Variants in PPAT observed in about 807,000 individuals in gnomAD.
PPAT encodes amidophosphoribosyltransferase.
PPAT carries 20 observed loss-of-function variants against 60.2 expected under a neutral mutation model. The observed-to-expected ratio is 0.33, with a 90% CI of 0.23 to 0.48. The LOEUF is 0.48. PPAT is among the 20% of genes least tolerant of loss of function. PPAT has a pLI of 0.99. For synonymous variants in PPAT, 194 were observed against 215.1 expected, an observed-to-expected ratio of 0.90 and a Z score of 0.86; for missense variants, 349 against 629.6, an observed-to-expected ratio of 0.55 and a Z score of 4.77.
chr4:56,419,481 A>G (rs1716932340), intron 1 of PPAT: 1 of 168,170 alleles, frequency 5.9e-6, no homozygotes, highest in Admixed American at 6.5e-5. Context: ...ACTGTTTAAG[A>G]GAAAAGCTAA....
chr4:56,408,021 G>T, intron 1 of PPAT: 1 of 266,474 alleles, frequency 3.8e-6, no homozygotes, highest in South Asian at 6.6e-5. Context: ...ATATACTTTA[G>T]GCCTTGAGAG....
chr4:56,434,350 G>A (rs1388000306), intron 1 of PPAT, among the ~76,000 whole-genome samples: 1 of 152,124 alleles, frequency 6.6e-6, no homozygotes, highest in Admixed American at 6.5e-5. Flanking sequence ...TTGCTGTTAC[G>A]TGTTATTGCC....
chr4:56,423,991 T>G (rs1418879629), intron 1 of PPAT, among the ~76,000 whole-genome samples: 1 of 152,210 alleles, frequency 6.6e-6, no homozygotes, highest in African/African-American at 2.4e-5. Flanking sequence ...AAAATTCACA[T>G]GAAATAGTCT....
At chr4:56,434,149 C>G (rs1364358786) in intron 1 of PPAT, among the ~76,000 whole-genome samples, 2 of 152,174 alleles carry the variant, frequency 1.3e-5, no homozygotes, top group Non-Finnish European at 2.9e-5. Flanking sequence ...AAGATTGGAG[C>G]TACGCAAGTT....
intron 1 of PPAT, among the ~76,000 whole-genome samples, chr4:56,413,408 G>A (rs1055590051): frequency 6.6e-6 from 1 of 152,128 alleles, no homozygotes; most frequent in Non-Finnish European, 1.5e-5. Flanking sequence ...GCCCACCTTG[G>A]CCTCCCAAAG....
intron 1 of PPAT, among the ~76,000 whole-genome samples, chr4:56,417,115 C>T (rs190378883): frequency 6.6e-6 from 1 of 152,308 alleles, no homozygotes; most frequent in Admixed American, 6.5e-5. Flanking sequence ...TCCCAAATTG[C>T]TGGGATTACA....
chr4:56,402,892 A>T lies in PPAT; in HGVS notation c.661+148T>A, dbSNP rs185866764. 25 of 619,074 alleles carry T rather than the reference A, an allele frequency of 4.0e-5. No homozygotes were observed. In the African/African-American group the frequency reaches 4.6e-4, roughly 11 times the overall value. The allele number at this position is 619,074 out of a possible 1,614,324, so 38.3% of individuals were successfully genotyped here. A position where few individuals can be genotyped will look rare whatever the true frequency, so the allele number is the denominator to read the frequency against. On this transcript the variant is annotated intron_variant, in intron 5 of 10. Transcript: ENST00000264220. ...AGGAGTACTCAAAGAAACGTACTTT[A>T]AAAAGGAAGAATACATTTATTTTTA... is the stretch of plus-strand genomic sequence containing the variant.
chr4:56,408,938 A>G (rs1716330457), intron 1 of PPAT, among the ~76,000 whole-genome samples: 1 of 152,044 alleles, frequency 6.6e-6, no homozygotes, highest in South Asian at 2.1e-4. Flanking sequence ...AAATGTTGTG[A>G]TTCTGCTAAA....
intron 1 of PPAT, chr4:56,428,899 T>C (rs912972836): frequency 1.6e-5 from 9 of 558,370 alleles, no homozygotes; most frequent in African/African-American, 1.4e-4. Context: ...GTGTTTCAAA[T>C]GATGTCACAT....
chr4:56,407,790 C>A, intron 1 of PPAT, 74 bp from the exon 2 acceptor site: 1 of 1,177,158 alleles, frequency 8.5e-7, no homozygotes. Flanking sequence ...ATCAAGCATA[C>A]TTTCTCAACA....
At chr4:56,432,999 A>T (rs537668650) in intron 1 of PPAT, among the ~76,000 whole-genome samples, 146 of 149,124 alleles carry the variant, frequency 9.8e-4, no homozygotes, top group African/African-American at 2.2e-3. Context: ...CACGTATTTT[A>T]TATATATATA....
intron 7 of PPAT, 74 bp from the exon 8 acceptor site, chr4:56,400,985 G>A (rs1716093966): frequency 1.4e-6 from 2 of 1,394,138 alleles, no homozygotes; most frequent in African/African-American, 2.9e-5. Flanking sequence ...AAAAACTAGT[G>A]CTAGAATTCT....
At position 56,395,544 on chromosome 4, in the gene PPAT, T is replaced by G; in HGVS notation, c.1362A>C (p.Ala454=). Residue 454 remains alanine (A), a synonymous_variant, in exon 11 of 11, where the codon GCA becomes GCC. Coordinates refer to ENST00000264220, the MANE Select transcript of PPAT (RefSeq NM_002703.5). The stretch of plus-strand genomic sequence containing the variant: ...CTACTGACAGATACACAACACTGTT[T>G]GCTCCTAAAGAAAGAGGGAAAAATA... ...EFDHLAEYLG[A]NSVVYLSVEG... is the part of the protein sequence containing the mutation. 1 of 1,541,512 alleles carries G rather than the reference T, an allele frequency of 6.5e-7. No individual in the cohort carries two copies. Among genetic ancestry groups the G allele is most frequent in the Non-Finnish European group, 8.7e-7 (1 of 1,151,998 alleles).
At chr4:56,432,011 G>A (rs1420181636) in intron 1 of PPAT, among the ~76,000 whole-genome samples, 1 of 152,130 alleles carries the variant, frequency 6.6e-6, no homozygotes, top group Non-Finnish European at 1.5e-5. Context: ...CTAAAAACGG[G>A]GAGTACATCT....
chr4:56,402,332 G>C (rs979114941), intron 5 of PPAT, 151 bp from the exon 6 acceptor site: 7 of 478,136 alleles, frequency 1.5e-5, no homozygotes, highest in South Asian at 5.1e-5. Flanking sequence ...CATTTGACTT[G>C]AGCCAAAGAT....
intron 1 of PPAT, among the ~76,000 whole-genome samples, chr4:56,417,837 TTTTTG>T (rs1340682489): frequency 5.2e-5 from 5 of 95,616 alleles, no homozygotes; most frequent in African/African-American, 1.9e-4. Context: ...AAGATTTGGT[TTTTTG>T]TTTTTTTTTT....
At chr4:56,420,081 A>G (rs1716962238) in intron 1 of PPAT, 1 of 730,692 alleles carries the variant, frequency 1.4e-6, no homozygotes, top group Non-Finnish European at 1.7e-6. Flanking sequence ...TCTTAACATC[A>G]TGTTACATCA....
intron 9 of PPAT, among the ~76,000 whole-genome samples, chr4:56,398,572 C>A (rs1332931832): frequency 6.6e-6 from 1 of 151,796 alleles, no homozygotes; most frequent in Non-Finnish European, 1.5e-5. Flanking sequence ...ACCTCAGCCT[C>A]CTAAGTAGCT....
In PPAT at chr4:56,403,126, T is replaced by A. The variant is rs1440321398; in HGVS notation, c.575A>T (p.Asp192Val). ...AGGATCTCGTACTGCATAAATAACA[T>A]CTCTGTGCATTATAAGCAGGGAGTA... ...TAYSLLIMHRDVIYAVRDPYG... is the reference protein window; with the variant it reads ...TAYSLLIMHRVVIYAVRDPYG... Residue 192 changes from aspartate (D) to valine (V), a missense_variant, in exon 5 of 11, where the codon GAT becomes GTT. Asp to Val is a radical substitution (Grantham distance 152, BLOSUM62 -3). Coordinates refer to ENST00000264220, the MANE Select transcript of PPAT (RefSeq NM_002703.5). The A allele has an allele frequency of 1.2e-6, 2 of 1,612,072 alleles. No individual in the cohort carries two copies. The highest frequency in any genetic ancestry group is 1.7e-5 in the Admixed American group (1 of 59,940).
Sources: allele counts gnomAD v4.1 joint callset (sites outside exome capture counted in the v4.1 genomes callset), GRCh38; gene constraint gnomAD v4.1.1; transcripts MANE v1.5; gene names NCBI Gene and HGNC (gene_info 2026-07-23, HGNC 2026-07-21).